Variants in SNX18 observed in about 807,000 individuals in gnomAD.
SNX18 encodes the protein sorting nexin 18, also known as sorting nexin-18.
Under a neutral mutation model 48.7 loss-of-function variants are expected in SNX18, and 35 were observed. The observed-to-expected ratio is 0.72, with a 90% CI of 0.55 to 0.95. SNX18 has a LOEUF of 0.95. Among genes scored for constraint, SNX18 ranks in the 40% least tolerant of loss-of-function variants. SNX18 has a pLI of 0.00. For synonymous variants in SNX18, 492 were observed against 384.7 expected, an observed-to-expected ratio of 1.28 and a Z score of -3.26; for missense variants, 824 against 871.0, an observed-to-expected ratio of 0.95 and a Z score of 0.68.
At chr5:54,614,809 A>T in the SNX18 span, among the ~76,000 whole-genome samples, 3 of 152,200 alleles carry the variant, frequency 2.0e-5, no homozygotes, top group Admixed American at 2.0e-4. Context: ...TCTTTTAAAA[A>T]TATTTAAAAG....
At chr5:54,634,715 A>C in the SNX18 span, among the ~76,000 whole-genome samples, 1 of 152,090 alleles carries the variant, frequency 6.6e-6, no homozygotes, top group African/African-American at 2.4e-5. Context: ...AACCCTGCAA[A>C]TATGATGTTG....
chr5:54,530,672 T>C (rs1213247566), intron 1 of SNX18, among the ~76,000 whole-genome samples: 1 of 150,370 alleles, frequency 6.7e-6, no homozygotes, highest in Non-Finnish European at 1.5e-5. Flanking sequence ...CTTAAAAAAG[T>C]ATTTACCTCA....
the SNX18 span, among the ~76,000 whole-genome samples, chr5:54,595,314 T>C: frequency 6.6e-6 from 1 of 152,130 alleles, no homozygotes; most frequent in Admixed American, 6.6e-5. Flanking sequence ...CAGCTCACTG[T>C]AACCTCTGCC....
At chr5:54,594,739 C>T in the SNX18 span, among the ~76,000 whole-genome samples, 4 of 152,202 alleles carry the variant, frequency 2.6e-5, no homozygotes, top group Non-Finnish European at 4.4e-5. Context: ...AGGGGTATTA[C>T]GTGATGCTAA....
intron 1 of SNX18, among the ~76,000 whole-genome samples, chr5:54,532,357 G>C (rs1004226584): frequency 2.4e-5 from 3 of 125,672 alleles, no homozygotes; most frequent in Admixed American, 9.8e-5. Flanking sequence ...GCGTGCACAT[G>C]CCTCAGGTAA....
the SNX18 span, among the ~76,000 whole-genome samples, chr5:54,591,331 T>C: frequency 3.3e-5 from 5 of 152,094 alleles, no homozygotes; most frequent in African/African-American, 1.2e-4. Context: ...AGGCCTGCTG[T>C]ACATCTCCTG....
chr5:54,588,447 C>T, the SNX18 span, among the ~76,000 whole-genome samples: 1 of 150,988 alleles, frequency 6.6e-6, no homozygotes, highest in African/African-American at 2.4e-5. Flanking sequence ...CCTGCCTCAG[C>T]CTCCCGAGCA....
At chr5:54,591,410 C>T in the SNX18 span, among the ~76,000 whole-genome samples, 146 of 152,260 alleles carry the variant, frequency 9.6e-4, no homozygotes, top group African/African-American at 3.3e-3. Flanking sequence ...AGGCTGGTCT[C>T]GAACTCCTTG....
At position 54,543,264 on chromosome 5, in the gene SNX18, C is replaced by CTGTA; in HGVS notation, c.1708_1711dup (p.Asn571MetfsTer2). On this transcript the variant is annotated frameshift_variant, in exon 2 of 2. Transcript: ENST00000381410. LOFTEE classifies it high-confidence loss of function. ...AGAAGGCTGACGGCATTCAGGATCGCTGTAACACTATTTCTTTTGCCACTT... is the reference window on the plus strand; with the variant it reads ...AGAAGGCTGACGGCATTCAGGATCGCTGTATGTAACACTATTTCTTTTGCCACTT... 1 of 1,614,194 alleles carries CTGTA rather than the reference C, an allele frequency of 6.2e-7. No homozygotes were observed. Among genetic ancestry groups the CTGTA allele is most frequent in the Non-Finnish European group, 8.5e-7 (1 of 1,180,032 alleles).
At chr5:54,609,535 C>G in the SNX18 span, among the ~76,000 whole-genome samples, 1 of 151,932 alleles carries the variant, frequency 6.6e-6, no homozygotes, top group Admixed American at 6.6e-5. Flanking sequence ...CTCAGGCTGG[C>G]CTCCAACTTC....
the SNX18 span, among the ~76,000 whole-genome samples, chr5:54,587,090 C>G: frequency 6.6e-6 from 1 of 151,848 alleles, no homozygotes; most frequent in South Asian, 2.1e-4. Context: ...AACAGATATT[C>G]CCCTGGGATA....
the SNX18 span, among the ~76,000 whole-genome samples, chr5:54,554,830 G>A: frequency 3.9e-5 from 6 of 152,298 alleles, no homozygotes; most frequent in African/African-American, 7.2e-5. Flanking sequence ...AAATAATATC[G>A]AGCAGGGATT....
the SNX18 span, among the ~76,000 whole-genome samples, chr5:54,636,394 TG>T: frequency 1.3e-5 from 2 of 152,120 alleles, no homozygotes; most frequent in Non-Finnish European, 2.9e-5. Context: ...TGGAGCATTT[TG>T]CTATGGGGAG....
At chr5:54,583,360 GC>G in the SNX18 span, among the ~76,000 whole-genome samples, 33 of 152,208 alleles carry the variant, frequency 2.2e-4, no homozygotes, top group African/African-American at 7.5e-4. Flanking sequence ...AAAACATTGA[GC>G]ATGGAAGTTG....
rs1762239169 is a variant in SNX18, at chr5:54,530,743, AATT to A, written c.1621+11171_1621+11173del. Reference sequence around the variant, plus strand: ...TTGCAGACAGGAGCTGAACCACAGAAATTTTTTTTTTTTTTTTTTTTTTTTTTG... The same window carrying A: ...TTGCAGACAGGAGCTGAACCACAGAATTTTTTTTTTTTTTTTTTTTTTTTG... On this transcript the variant is annotated intron_variant, in intron 1 of 1. Coordinates refer to ENST00000381410, the MANE Select transcript of SNX18 (RefSeq NM_001102575.2). Among the ~76,000 whole-genome samples, 3 of 58,098 alleles carry A rather than the reference AATT, an allele frequency of 5.2e-5. No homozygotes were observed. The South Asian group carries it at 1.8e-3, about 35-fold the overall frequency. 38.1% of individuals were successfully genotyped at this position (58,098 alleles called of 152,430 possible).
intron 1 of SNX18, among the ~76,000 whole-genome samples, chr5:54,533,338 A>T (rs777630967): frequency 3.9e-5 from 6 of 152,220 alleles, no homozygotes; most frequent in Non-Finnish European, 8.8e-5. Context: ...GGGTTTATTA[A>T]TGTGGTCTAA....
chr5:54,547,478 C>T (rs1202360396), downstream of SNX18, among the ~76,000 whole-genome samples: 2 of 152,192 alleles, frequency 1.3e-5, no homozygotes, highest in Non-Finnish European at 2.9e-5. Context: ...AAATCCCTAA[C>T]ATCTTCCCAA....
At chr5:54,559,172 C>T in the SNX18 span, among the ~76,000 whole-genome samples, 1 of 152,140 alleles carries the variant, frequency 6.6e-6, no homozygotes, top group Admixed American at 6.5e-5. Context: ...AGATTCAATG[C>T]TATTCCTATT....
At chr5:54,538,387 A>G (rs1762397429) in intron 1 of SNX18, among the ~76,000 whole-genome samples, 1 of 152,238 alleles carries the variant, frequency 6.6e-6, no homozygotes, top group African/African-American at 2.4e-5. Flanking sequence ...CCCAAGTGTT[A>G]AACACTCATG....
Sources: gnomAD v4.1 joint callset for allele counts (sites outside exome capture counted in the v4.1 genomes callset) on GRCh38, gnomAD v4.1.1 for gene constraint, MANE v1.5 for transcripts, NCBI Gene and HGNC (gene_info 2026-07-23, HGNC 2026-07-21) for gene names.